SAMD5: variants seen among roughly 807,000 people sequenced by gnomAD.
SAMD5 encodes sterile alpha motif domain containing 5, also known as sterile alpha motif domain-containing protein 5.
SAMD5 carries 13 observed loss-of-function variants against 11.3 expected under a neutral mutation model. That is an observed-to-expected ratio of 1.15 (90% CI 0.75 to 1.83). The LOEUF (loss-of-function observed/expected upper bound fraction) is 1.83. Ranked by LOEUF, SAMD5 falls within the 40% of genes most tolerant of loss-of-function variation. The pLI, the probability that SAMD5 is intolerant of heterozygous loss-of-function variation, is 0.00. For missense variants in SAMD5, 255 were observed against 239.1 expected (o/e 1.07, Z -0.44); for synonymous variants, 129 against 111.3 (o/e 1.16, Z -1.00).
At chr6:147,791,016 C>T in the SAMD5 span, among the ~76,000 whole-genome samples, 7 of 151,968 alleles carry the variant, frequency 4.6e-5, no homozygotes, top group East Asian at 1.9e-4. Flanking sequence ...AAAGATAGGC[C>T]GGGTGTGGTG....
intron 1 of SAMD5, among the ~76,000 whole-genome samples, chr6:147,699,087 C>T (rs576197247): frequency 1.3e-5 from 2 of 152,158 alleles, no homozygotes; most frequent in Non-Finnish European, 2.9e-5. Flanking sequence ...GTTCTCAACA[C>T]CCCCTGGATG....
intron 1 of SAMD5, among the ~76,000 whole-genome samples, chr6:147,654,157 A>G (rs1410355237): frequency 6.6e-6 from 1 of 152,200 alleles, no homozygotes; most frequent in African/African-American, 2.4e-5. Context: ...TAAAATAAAT[A>G]ATTGAATTCT....
intron 1 of SAMD5, among the ~76,000 whole-genome samples, chr6:147,699,895 A>G (rs893605776): frequency 9.2e-5 from 14 of 152,240 alleles, no homozygotes; most frequent in Admixed American, 3.9e-4. Flanking sequence ...GTGTTTGACT[A>G]ATATTTGAAT....
the SAMD5 span, among the ~76,000 whole-genome samples, chr6:147,849,740 A>G: frequency 1.1e-4 from 16 of 152,360 alleles, no homozygotes; most frequent in South Asian, 2.5e-3. Flanking sequence ...CGTCTCCTCT[A>G]AAGGAACACA....
chr6:147,879,450 C>T, the SAMD5 span, among the ~76,000 whole-genome samples: 3 of 152,302 alleles, frequency 2.0e-5, no homozygotes, highest in East Asian at 5.8e-4. Context: ...GCTTTCTGGA[C>T]CTGCCAGGCT....
At chr6:147,651,199 A>G (rs181721052) in intron 1 of SAMD5, among the ~76,000 whole-genome samples, 3 of 152,308 alleles carry the variant, frequency 2.0e-5, no homozygotes, top group Admixed American at 1.3e-4. Flanking sequence ...TCCCTTTCAT[A>G]ATAGAGAAAA....
chr6:147,655,304 A>G (rs1790549657), intron 1 of SAMD5, among the ~76,000 whole-genome samples: 2 of 152,174 alleles, frequency 1.3e-5, no homozygotes, highest in African/African-American at 4.8e-5. Flanking sequence ...ATTTTGTACT[A>G]TCTTGCTATG....
chr6:147,938,745 T>C, the SAMD5 span, among the ~76,000 whole-genome samples: 5 of 152,202 alleles, frequency 3.3e-5, no homozygotes, highest in African/African-American at 1.2e-4. Context: ...GTAGGTTGCT[T>C]GAACTGGGTG....
chr6:147,581,181 A>T (rs184614805), intron 1 of SAMD5, among the ~76,000 whole-genome samples: 1 of 152,156 alleles, frequency 6.6e-6, no homozygotes, highest in Non-Finnish European at 1.5e-5. Context: ...GAGCAGACGT[A>T]TATGGCTTGA....
At position 147,509,218 on chromosome 6, in the gene SAMD5, A is replaced by T; in HGVS notation, c.290A>T (p.Glu97Val). 7.5e-7 allele frequency: 1 copy of T among 1,341,264 alleles called. No homozygotes were observed. Among genetic ancestry groups the T allele is most frequent in the Non-Finnish European group, 9.6e-7 (1 of 1,043,616 alleles). 83.1% of individuals were successfully genotyped at this position (1,341,264 alleles called of 1,614,324 possible). ...ADAVPTGRRG[E>V]PCGGPAQGTR... The stretch of plus-strand genomic sequence containing the variant: ...GCCGTCCCCACCGGCCGCCGGGGGG[A>T]GCCGTGCGGCGGCCCGGCCCAGGGC... The change falls in exon 1 of 2, where the codon GAG becomes GTG. Residue 97 changes from glutamate (E) to valine (V), a missense_variant. Transcript: ENST00000367474.
chr6:147,721,944 T>G (rs1000715087), intron 1 of SAMD5, among the ~76,000 whole-genome samples: 1 of 152,212 alleles, frequency 6.6e-6, no homozygotes, highest in Admixed American at 6.5e-5. Flanking sequence ...ATACAGAAAC[T>G]AATTATGATT....
At chr6:147,767,259 G>C in the SAMD5 span, among the ~76,000 whole-genome samples, 2 of 152,100 alleles carry the variant, frequency 1.3e-5, no homozygotes, top group African/African-American at 2.4e-5. Flanking sequence ...GTCAACACCT[G>C]TGGAGGAAGA....
intron 1 of SAMD5, among the ~76,000 whole-genome samples, chr6:147,613,328 T>C (rs1789813518): frequency 6.6e-6 from 1 of 151,882 alleles, no homozygotes; most frequent in Non-Finnish European, 1.5e-5. Context: ...ATTGAGCCCC[T>C]GATCCTCTTA....
the SAMD5 span, among the ~76,000 whole-genome samples, chr6:147,938,523 T>C: frequency 1.3e-5 from 2 of 152,190 alleles, no homozygotes; most frequent in African/African-American, 4.8e-5. Flanking sequence ...GCTGACACTC[T>C]GGTCTTTCTG....
the SAMD5 span, among the ~76,000 whole-genome samples, chr6:147,781,359 A>T: frequency 2.6e-5 from 4 of 152,060 alleles, no homozygotes; most frequent in African/African-American, 7.2e-5. Context: ...GTCTCACTAT[A>T]TGTTTTCCAG....
the SAMD5 span, among the ~76,000 whole-genome samples, chr6:147,898,962 C>T: frequency 1.5e-4 from 22 of 151,532 alleles, no homozygotes; most frequent in Middle Eastern, 3.4e-3. Context: ...GGGCAGATCA[C>T]GAGGTCAGGA....
intron 1 of SAMD5, among the ~76,000 whole-genome samples, chr6:147,727,273 A>G (rs1791642335): frequency 6.6e-6 from 1 of 152,132 alleles, no homozygotes; most frequent in South Asian, 2.1e-4. Flanking sequence ...TTGCTTGACA[A>G]ACTCCTATGC....
At chr6:147,639,023 A>G (rs1193967445) in intron 1 of SAMD5, among the ~76,000 whole-genome samples, 1 of 152,248 alleles carries the variant, frequency 6.6e-6, no homozygotes, top group Non-Finnish European at 1.5e-5. Context: ...GACCTGGGTG[A>G]GTTCTGTGCC....
intron 1 of SAMD5, among the ~76,000 whole-genome samples, chr6:147,584,751 C>T (rs755884063): frequency 1.3e-5 from 2 of 152,070 alleles, no homozygotes; most frequent in Non-Finnish European, 2.9e-5. Flanking sequence ...TATGTATTGT[C>T]CTTTAGAGAG....
Sources: allele counts gnomAD v4.1 joint callset (sites outside exome capture counted in the v4.1 genomes callset), GRCh38; gene constraint gnomAD v4.1.1; transcripts MANE v1.5; gene names NCBI Gene and HGNC (gene_info 2026-07-23, HGNC 2026-07-21).